PRR16: variants seen among roughly 807,000 people sequenced by gnomAD.
The protein encoded by PRR16 is proline rich 16.
PRR16 carries 6 observed loss-of-function variants against 18.2 expected under a neutral mutation model. That is an observed-to-expected ratio of 0.33 (90% CI 0.18 to 0.65). The LOEUF (loss-of-function observed/expected upper bound fraction) is 0.65, where lower values mean the gene tolerates loss of function less well. Ranked by LOEUF, PRR16 falls within the 30% of genes least tolerant of loss-of-function variation. The probability of loss-of-function intolerance (pLI) is 0.74; values close to 1 mark genes in which losing one functional copy is unlikely to be tolerated. For missense variants in PRR16, 412 were observed against 376.6 expected (o/e 1.09, Z -0.78); for synonymous variants, 151 against 147.8 (o/e 1.02, Z -0.16).
At chr5:120,475,479 A>T (rs561789568) in intron 1 of PRR16, among the ~76,000 whole-genome samples, 3 of 151,608 alleles carry the variant, frequency 2.0e-5, no homozygotes, top group South Asian at 2.1e-4. Flanking sequence ...TATTTACTAA[A>T]TTTTTTTTGA....
chr5:120,787,215 ATG>A, the PRR16 span, among the ~76,000 whole-genome samples: 7 of 152,152 alleles, frequency 4.6e-5, no homozygotes, highest in African/African-American at 1.4e-4. Flanking sequence ...ATGCAAAAAA[ATG>A]TGGTTTAAAA....
At chr5:120,716,424 C>G in the PRR16 span, among the ~76,000 whole-genome samples, 29 of 152,310 alleles carry the variant, frequency 1.9e-4, no homozygotes, top group African/African-American at 6.0e-4. Context: ...GGAGCATTAG[C>G]ACTTTATCAA....
At chr5:120,548,642 CT>C (rs1333546340) in intron 1 of PRR16, among the ~76,000 whole-genome samples, 2 of 151,948 alleles carry the variant, frequency 1.3e-5, no homozygotes, top group Admixed American at 1.3e-4. Flanking sequence ...AAGTTTTGTG[CT>C]TGTTCTTTTG....
chr5:120,615,565 G>T (rs926653499), intron 1 of PRR16, among the ~76,000 whole-genome samples: 8 of 151,536 alleles, frequency 5.3e-5, no homozygotes, highest in African/African-American at 1.9e-4. Context: ...AGGAGTATTC[G>T]TTGTAGATTT....
rs758022871 is a variant in PRR16, at chr5:120,464,691, C to T, written c.159+46C>T. The T allele has an allele frequency of 7.5e-4, 1,098 of 1,468,916 alleles. 1 individual carries two copies. The highest frequency in any genetic ancestry group is 2.0e-3 in the South Asian group (153 of 75,810). The allele number at this position is 1,468,916 out of a possible 1,614,324, so 91.0% of individuals were successfully genotyped here. On this transcript the variant is annotated intron_variant, in intron 1 of 1. Coordinates refer to ENST00000407149, the MANE Select transcript of PRR16 (RefSeq NM_001300783.2). Reference sequence around the variant, plus strand: ...GAGGGAGTTCGGCACCCTTCGACCCCTCCGGGGTCCCCTTTCCGATTTTCA... The same window carrying T: ...GAGGGAGTTCGGCACCCTTCGACCCTTCCGGGGTCCCCTTTCCGATTTTCA...
At position 120,577,159 on chromosome 5, in the gene PRR16, T is replaced by C. The variant is rs1753107283; in HGVS notation, c.160-108795T>C. On this transcript the variant is annotated intron_variant, in intron 1 of 1. Coordinates refer to ENST00000407149, the MANE Select transcript of PRR16 (RefSeq NM_001300783.2). ...ACTAATATGATTCACATATATATCA[T>C]GATATAGCCAAACAAAATCAATATG... Among the ~76,000 whole-genome samples the C allele has an allele frequency of 2.6e-5, 4 of 152,182 alleles. No homozygotes were observed. The South Asian group carries it at 8.3e-4, about 32-fold the overall frequency.
chr5:120,663,031 A>C (rs556680400), intron 1 of PRR16, among the ~76,000 whole-genome samples: 1 of 152,154 alleles, frequency 6.6e-6, no homozygotes, highest in South Asian at 2.1e-4. Flanking sequence ...TGCCTCAATA[A>C]TTCAGTCCCT....
In PRR16 at chr5:120,542,777, G is replaced by T. The variant is rs556985409; in HGVS notation, c.159+78132G>T. On this transcript the variant is annotated intron_variant, in intron 1 of 1. Coordinates refer to ENST00000407149, the MANE Select transcript of PRR16 (RefSeq NM_001300783.2). Reference sequence around the variant, plus strand: ...GTATTGTGTAGCTGGTACTGAAAATGTTCTTTGAAGGTGGATAAGTTTTTG... The same window carrying T: ...GTATTGTGTAGCTGGTACTGAAAATTTTCTTTGAAGGTGGATAAGTTTTTG... 1.6e-4 allele frequency among the ~76,000 whole-genome samples: 24 copies of T among 152,224 alleles called. No individual in the cohort carries two copies. The East Asian group carries it at 4.6e-3, about 29-fold the overall frequency.
At chr5:120,489,211 A>G (rs1206345144) in intron 1 of PRR16, among the ~76,000 whole-genome samples, 9 of 152,020 alleles carry the variant, frequency 5.9e-5, no homozygotes, top group Non-Finnish European at 1.2e-4. Context: ...TATCCTTGTT[A>G]ACTTTCTGTC....
At chr5:120,501,752 T>G (rs548345277) in intron 1 of PRR16, among the ~76,000 whole-genome samples, 1 of 151,660 alleles carries the variant, frequency 6.6e-6, no homozygotes, top group Non-Finnish European at 1.5e-5. Flanking sequence ...GTCAGGAGAC[T>G]GAGACCATCC....
chr5:120,599,179 A>T (rs1278254968), intron 1 of PRR16, among the ~76,000 whole-genome samples: 1 of 151,514 alleles, frequency 6.6e-6, no homozygotes, highest in African/African-American at 2.4e-5. Flanking sequence ...TTTCTATGCT[A>T]TGCTTTTTCC....
intron 1 of PRR16, among the ~76,000 whole-genome samples, chr5:120,631,832 C>T (rs1446778092): frequency 6.6e-6 from 1 of 152,146 alleles, no homozygotes; most frequent in Non-Finnish European, 1.5e-5. Context: ...ATCCTGAATA[C>T]TTAACCAGTT....
the PRR16 span, among the ~76,000 whole-genome samples, chr5:120,786,543 AAATT>A: frequency 4.6e-4 from 68 of 146,760 alleles, no homozygotes; most frequent in Non-Finnish European, 7.0e-4. Flanking sequence ...ATATTATTTT[AAATT>A]AAGTATCATA....
At chr5:120,642,748 G>C (rs1308231031) in intron 1 of PRR16, among the ~76,000 whole-genome samples, 1 of 152,086 alleles carries the variant, frequency 6.6e-6, no homozygotes, top group Non-Finnish European at 1.5e-5. Context: ...CTGAAGCTCA[G>C]TGAGCATCAT....
At chr5:120,678,869 T>G (rs1268087525) in intron 1 of PRR16, among the ~76,000 whole-genome samples, 2 of 152,118 alleles carry the variant, frequency 1.3e-5, no homozygotes, top group Non-Finnish European at 2.9e-5. Context: ...CATTGCAGTT[T>G]AAGATTTATA....
At chr5:120,486,497 G>T (rs1399183263) in intron 1 of PRR16, among the ~76,000 whole-genome samples, 2 of 151,722 alleles carry the variant, frequency 1.3e-5, no homozygotes, top group Admixed American at 6.6e-5. Flanking sequence ...TGATGGGGTT[G>T]TTTTTTTCCT....
intron 1 of PRR16, among the ~76,000 whole-genome samples, chr5:120,626,111 C>T (rs1754854234): frequency 6.6e-6 from 1 of 152,048 alleles, no homozygotes; most frequent in Non-Finnish European, 1.5e-5. Context: ...AACAATTTCC[C>T]CAAGGCTCAG....
At chr5:120,678,051 A>G (rs1025936550) in intron 1 of PRR16, among the ~76,000 whole-genome samples, 5 of 151,574 alleles carry the variant, frequency 3.3e-5, no homozygotes, top group Non-Finnish European at 7.4e-5. Context: ...CTGGGACTAC[A>G]GGCGCCGGCC....
intron 1 of PRR16, among the ~76,000 whole-genome samples, chr5:120,597,415 TG>T (rs1361594928): frequency 1.3e-5 from 2 of 151,736 alleles, no homozygotes; most frequent in Non-Finnish European, 3.0e-5. Flanking sequence ...GAATTTTTTG[TG>T]TATTAATGTT....
Sources: allele counts gnomAD v4.1 joint callset (sites outside exome capture counted in the v4.1 genomes callset), GRCh38; gene constraint gnomAD v4.1.1; transcripts MANE v1.5; gene names NCBI Gene and HGNC (gene_info 2026-07-23, HGNC 2026-07-21).